Variants in CLDN18 observed in about 807,000 individuals in gnomAD.
The protein encoded by CLDN18 is claudin 18, also known as claudin-18.
CLDN18 carries 20 observed loss-of-function variants against 25.0 expected under a neutral mutation model. The ratio of observed to expected loss-of-function variants is 0.80; its 90% CI spans 0.56 to 1.16. The LOEUF (loss-of-function observed/expected upper bound fraction) is 1.16. Ranked by LOEUF, CLDN18 falls within the 50% of genes most tolerant of loss-of-function variation. CLDN18 has a pLI of 0.00. For synonymous variants in CLDN18, 125 were observed against 135.6 expected, an observed-to-expected ratio of 0.92 and a Z score of 0.54; for missense variants, 297 against 345.4, an observed-to-expected ratio of 0.86 and a Z score of 1.11.
At chr3:138,024,805 G>A (rs138199496) in intron 3 of CLDN18, 81 bp downstream of exon 3, 3 of 789,796 alleles carry the variant, frequency 3.8e-6, no homozygotes, top group Non-Finnish European at 6.3e-6. Flanking sequence ...CACCTAATGT[G>A]ACTGTCAGTG....
chr3:138,001,524 A>C (rs755500640), intron 1 of CLDN18, among the ~76,000 whole-genome samples: 12 of 152,008 alleles, frequency 7.9e-5, no homozygotes, highest in Non-Finnish European at 1.5e-4. Context: ...GCCCGGCAAC[A>C]TTCCCCCATT....
At chr3:138,003,385 A>G (rs772335421) in intron 1 of CLDN18, among the ~76,000 whole-genome samples, 89 of 152,234 alleles carry the variant, frequency 5.8e-4, no homozygotes, top group Non-Finnish European at 1.2e-3. Context: ...AACAACAGAT[A>G]TGAATTACCC....
chr3:138,010,083 A>G, upstream of CLDN18: 2 of 1,356,068 alleles, frequency 1.5e-6, no homozygotes, highest in Non-Finnish European at 2.0e-6. Context: ...TGAGCTATCT[A>G]AGGAAAACAC....
upstream of CLDN18, among the ~76,000 whole-genome samples, chr3:138,006,253 T>C (rs995398874): frequency 6.6e-6 from 1 of 152,216 alleles, no homozygotes; most frequent in Admixed American, 6.5e-5. Flanking sequence ...TTTTTCTCAC[T>C]AGTATATTCA....
At chr3:138,000,278 G>A (rs370727095) in intron 1 of CLDN18, among the ~76,000 whole-genome samples, 2 of 152,172 alleles carry the variant, frequency 1.3e-5, no homozygotes, top group East Asian at 1.9e-4. Context: ...CAGGAGAAGA[G>A]GGTGAAACTG....
chr3:138,028,976 T>C (rs1942357714), intron 3 of CLDN18, among the ~76,000 whole-genome samples: 1 of 152,180 alleles, frequency 6.6e-6, no homozygotes, highest in South Asian at 2.1e-4. Context: ...GTTGAACAAA[T>C]AAGTAAAGAC....
At chr3:138,023,575 CTTTGT>C (rs1942293050) in intron 1 of CLDN18, 78 bp from the exon 2 acceptor site, 17 of 1,423,700 alleles carry the variant, frequency 1.2e-5, no homozygotes, top group African/African-American at 1.4e-5. Flanking sequence ...GTTGTGGTTG[CTTTGT>C]TTTATTAAAC....
intron 1 of CLDN18, among the ~76,000 whole-genome samples, chr3:138,003,588 T>C (rs1472792797): frequency 6.6e-6 from 1 of 152,232 alleles, no homozygotes; most frequent in Non-Finnish European, 1.5e-5. Flanking sequence ...TATGCTTAAA[T>C]ATTTGGCAAA....
In CLDN18 at chr3:137,998,925, G is replaced by A. The variant is rs76095412; in HGVS notation, c.57G>A (p.Ala19=). ...TCGTGGTTTCACTGATTGGGATTGC[G>A]GGCATCATTGCTGCCACCTGCATGG... Residue 19 remains alanine (A), a synonymous_variant, in exon 1 of 5, where the codon GCG becomes GCA. Coordinates refer to the CLDN18 transcript ENST00000343735. The A allele has an allele frequency of 3.1e-4, 496 of 1,614,212 alleles. 5 individuals are homozygous for A. In the East Asian group the frequency reaches 9.2e-3, roughly 30 times the overall value.
chr3:138,030,924 A>G (rs1213682430), intron 4 of CLDN18, 46 bp from the exon 5 acceptor site: 2 of 1,550,000 alleles, frequency 1.3e-6, no homozygotes, highest in East Asian at 4.5e-5. Context: ...GGTTGGTCCT[A>G]CTAACAAAGA....
At chr3:138,008,954 G>A (rs925438093), upstream of CLDN18, among the ~76,000 whole-genome samples, 1 of 152,100 alleles carries the variant, frequency 6.6e-6, no homozygotes, top group Non-Finnish European at 1.5e-5. Context: ...TCTGGATTCA[G>A]AGGCCAGACA....
chr3:138,030,742 G>A lies in CLDN18; in HGVS notation c.615-228G>A, dbSNP rs143396435. 3.7e-3 allele frequency among the ~76,000 whole-genome samples: 559 copies of A among 152,190 alleles called. 2 individuals are homozygous for A. The highest frequency in any genetic ancestry group is 0.012 in the African/African-American group (514 of 41,500). The stretch of plus-strand genomic sequence containing the variant: ...TTTATTCTCAGGAGATTTTGTTCTC[G>A]GCTCAGCAAAGCTCTAAAACAGTGC... On this transcript the variant is annotated intron_variant, in intron 4 of 4. Coordinates refer to ENST00000183605, the MANE Select transcript of CLDN18 (RefSeq NM_016369.4).
At chr3:138,018,290 A>C (rs1465872472) in intron 1 of CLDN18, among the ~76,000 whole-genome samples, 1 of 151,544 alleles carries the variant, frequency 6.6e-6, no homozygotes, top group Non-Finnish European at 1.5e-5. Context: ...CTTATATGGC[A>C]GAAGGGACAG....
chr3:138,024,537 C>T (rs1942303164), intron 2 of CLDN18, 70 bp from the exon 3 acceptor site: 1 of 880,274 alleles, frequency 1.1e-6, no homozygotes, highest in South Asian at 1.4e-5. Flanking sequence ...CTCATCTAGG[C>T]ATAAACTGCC....
In CLDN18 at chr3:138,029,811, C is replaced by A; in HGVS notation, c.518C>A (p.Ala173Glu). The A allele has an allele frequency of 1.9e-6, 3 of 1,575,292 alleles. No individual in the cohort carries two copies. The highest frequency in any genetic ancestry group is 1.3e-5 in the African/African-American group (1 of 74,328). The change falls in exon 4 of 5, where the codon GCG becomes GAG. Residue 173 changes from alanine (A) to glutamate (E), a missense_variant. Transcript: ENST00000183605. ...TCCCTACCCAGGTACACATTTGGTG[C>A]GGCTCTGTTCGTGGGCTGGGTCGCT... ...QTVQTRYTFG[A>E]ALFVGWVAGG...
chr3:138,005,037 A>G (rs989530037), intron 1 of CLDN18: 15 of 152,136 alleles, frequency 9.9e-5, no homozygotes, highest in African/African-American at 3.6e-4. Flanking sequence ...CAATGGGAAA[A>G]GATGTTTTTA....
At chr3:138,014,522 C>T (rs909084533) in intron 1 of CLDN18, among the ~76,000 whole-genome samples, 2 of 152,028 alleles carry the variant, frequency 1.3e-5, no homozygotes, top group Non-Finnish European at 2.9e-5. Flanking sequence ...TGTGTCCTGT[C>T]TCCCAATTGT....
At chr3:138,003,759 G>C (rs903211184) in intron 1 of CLDN18, among the ~76,000 whole-genome samples, 5 of 152,128 alleles carry the variant, frequency 3.3e-5, no homozygotes, top group Non-Finnish European at 5.9e-5. Flanking sequence ...TATGTGCCAG[G>C]CATTGTTTTG....
chr3:138,018,430 G>A (rs373211370), intron 1 of CLDN18, among the ~76,000 whole-genome samples: 5 of 146,104 alleles, frequency 3.4e-5, no homozygotes, highest in Admixed American at 1.4e-4. Context: ...TCCGCCTCCC[G>A]GGTTCACGCC....
Sources: gnomAD v4.1 joint callset for allele counts (sites outside exome capture counted in the v4.1 genomes callset) on GRCh38, gnomAD v4.1.1 for gene constraint, MANE v1.5 for transcripts, NCBI Gene and HGNC (gene_info 2026-07-23, HGNC 2026-07-21) for gene names.